Variants in PRIM2 observed in about 807,000 individuals in gnomAD.
PRIM2 encodes DNA primase large subunit.
Under a neutral mutation model 67.3 loss-of-function variants are expected in PRIM2, and 39 were observed. The observed-to-expected ratio is 0.58, with a 90% CI of 0.45 to 0.76. The LOEUF is 0.76. Among genes scored for constraint, PRIM2 ranks in the 30% least tolerant of loss-of-function variants. The probability of loss-of-function intolerance (pLI) is 0.00; values close to 1 mark genes in which losing one functional copy is unlikely to be tolerated. For missense variants in PRIM2, 398 were observed against 598.7 expected, an observed-to-expected ratio of 0.66 and a Z score of 3.50; for synonymous variants, 143 against 198.7, an observed-to-expected ratio of 0.72 and a Z score of 2.36.
At chr6:57,533,116 C>T (rs1774927521) in intron 9 of PRIM2, among the ~76,000 whole-genome samples, 1 of 151,902 alleles carries the variant, frequency 6.6e-6, no homozygotes, top group Non-Finnish European at 1.5e-5. Flanking sequence ...TACTAGAGGT[C>T]AGGACTTGAT....
chr6:57,324,599 G>A (rs1767781882), intron 4 of PRIM2, among the ~76,000 whole-genome samples: 1 of 152,112 alleles, frequency 6.6e-6, no homozygotes, highest in African/African-American at 2.4e-5. Context: ...CAAAAAAATG[G>A]TAATATTTAT....
chr6:57,274,696 G>T, the PRIM2 span, among the ~76,000 whole-genome samples: 1 of 152,248 alleles, frequency 6.6e-6, no homozygotes, highest in Admixed American at 6.5e-5. Context: ...AGTTGGAAAT[G>T]CAGAAATCAC....
chr6:57,536,134 AAGAATGAAGAGAAACT>A (rs1275057319), intron 9 of PRIM2, among the ~76,000 whole-genome samples: 2 of 152,214 alleles, frequency 1.3e-5, no homozygotes, highest in African/African-American at 2.4e-5. Flanking sequence ...GTTACTGTAA[AAGAATGAAGAGAAACT>A]AGATGGTCAC....
intron 5 of PRIM2, among the ~76,000 whole-genome samples, chr6:57,337,087 C>T (rs1010810899): frequency 6.6e-6 from 1 of 152,084 alleles, no homozygotes; most frequent in Non-Finnish European, 1.5e-5. Flanking sequence ...AGACTTTAAA[C>T]CAACAAAGAT....
At position 57,490,663 on chromosome 6, in the gene PRIM2, G is replaced by A. The variant is rs1773867808; in HGVS notation, c.694-16724G>A. The stretch of plus-strand genomic sequence containing the variant: ...TGACAAATATAGGACCTGAAGTAAA[G>A]AGCTTAATCAGATAAATAGGATGGA... On this transcript the variant is annotated intron_variant, in intron 7 of 13. Transcript: ENST00000615550. 2.6e-5 allele frequency among the ~76,000 whole-genome samples: 4 copies of A among 152,316 alleles called. No individual in the cohort carries two copies. The South Asian group carries it at 8.3e-4, about 32-fold the overall frequency.
intron 10 of PRIM2, among the ~76,000 whole-genome samples, chr6:57,585,492 A>G (rs1327725504): frequency 2.6e-5 from 4 of 152,216 alleles, no homozygotes; most frequent in African/African-American, 7.2e-5. Flanking sequence ...ATGAAAAATT[A>G]CGGAGATGAA....
At chr6:57,513,389 T>G in intron 8 of PRIM2, among the ~76,000 whole-genome samples, 1 of 147,744 alleles carries the variant, frequency 6.8e-6, no homozygotes, top group Non-Finnish European at 1.5e-5. Context: ...TTTTTATTTA[T>G]TATCTCACTT....
the PRIM2 span, among the ~76,000 whole-genome samples, chr6:57,272,380 A>T: frequency 6.6e-6 from 1 of 152,150 alleles, no homozygotes; most frequent in Admixed American, 6.5e-5. Flanking sequence ...CCATTATGTA[A>T]TGGCCTTCTT....
chr6:57,446,418 C>CTTTTTTTTTTTTTTTTTTTTTTTT lies in PRIM2; in HGVS notation c.694-60954_694-60953insTTTTTTTTTTTTTTTTTTTTTTTT, dbSNP rs397958660. Among the ~76,000 whole-genome samples the CTTTTTTTTTTTTTTTTTTTTTTTT allele has an allele frequency of 1.3e-3, 107 of 83,800 alleles. 22 individuals are homozygous for CTTTTTTTTTTTTTTTTTTTTTTTT. The highest frequency in any genetic ancestry group is 6.4e-3 in the East Asian group (19 of 2,956). The allele number at this position is 83,800 out of a possible 152,430, so 55.0% of individuals were successfully genotyped here. Reference sequence around the variant, plus strand: ...GGCATAGGCCTGGCACACGCCACTTCTTTTTTTTTTTTTTTGAGACAGTCT... The same window carrying CTTTTTTTTTTTTTTTTTTTTTTTT: ...GGCATAGGCCTGGCACACGCCACTTCTTTTTTTTTTTTTTTTTTTTTTTTTTTTTTTTTTTTTTTGAGACAGTCT... On this transcript the variant is annotated intron_variant, in intron 7 of 13. Transcript: ENST00000615550.
chr6:57,344,861 A>C (rs1768617641), intron 5 of PRIM2, among the ~76,000 whole-genome samples: 1 of 152,136 alleles, frequency 6.6e-6, no homozygotes, highest in Non-Finnish European at 1.5e-5. Flanking sequence ...GCTCATGATA[A>C]TATGGTTTAA....
chr6:57,583,110 C>G (rs1388523604), intron 10 of PRIM2, among the ~76,000 whole-genome samples: 1 of 150,912 alleles, frequency 6.6e-6, no homozygotes, highest in Non-Finnish European at 1.5e-5. Flanking sequence ...CTACAAAGGA[C>G]ATGAACTCAT....
At chr6:57,234,343 A>G in the PRIM2 span, among the ~76,000 whole-genome samples, 4 of 152,234 alleles carry the variant, frequency 2.6e-5, no homozygotes, top group African/African-American at 9.6e-5. Flanking sequence ...AATTTTCAAT[A>G]CTAGCTCATT....
chr6:57,244,174 A>C, the PRIM2 span, among the ~76,000 whole-genome samples: 1 of 152,204 alleles, frequency 6.6e-6, no homozygotes, highest in South Asian at 2.1e-4. Flanking sequence ...TTGACCGATC[A>C]GAACTTAGCT....
In PRIM2 at chr6:57,432,411, G is replaced by A. The variant is rs1771868555; in HGVS notation, c.693+50243G>A. On this transcript the variant is annotated intron_variant, in intron 7 of 13. Transcript: ENST00000615550. ...GAGAAATCTGGGAGGCAGGAGTTCA[G>A]TTCTACTTGTTCTGTGACGGGCACT... Among the ~76,000 whole-genome samples the A allele has an allele frequency of 2.0e-5, 3 of 152,146 alleles. No individual in the cohort carries two copies. The South Asian group carries it at 6.2e-4, about 31-fold the overall frequency.
chr6:57,238,945 C>G, the PRIM2 span, among the ~76,000 whole-genome samples: 2 of 152,062 alleles, frequency 1.3e-5, no homozygotes, highest in African/African-American at 4.8e-5. Context: ...AGTCACACGT[C>G]TCTCTATATC....
At chr6:57,634,448 A>T in intron 13 of PRIM2, among the ~76,000 whole-genome samples, 1 of 152,400 alleles carries the variant, frequency 6.6e-6, no homozygotes, top group South Asian at 2.1e-4. Flanking sequence ...GTTTTATCAC[A>T]CTAGGAATCT....
intron 12 of PRIM2, among the ~76,000 whole-genome samples, chr6:57,620,767 A>G: frequency 6.6e-6 from 1 of 152,404 alleles, no homozygotes; most frequent in Non-Finnish European, 1.5e-5. Context: ...TAAATGCTCC[A>G]CTTAAAAGGT....
chr6:57,482,331 C>T (rs1200018843), intron 7 of PRIM2, among the ~76,000 whole-genome samples: 7 of 151,564 alleles, frequency 4.6e-5, no homozygotes, highest in Admixed American at 6.6e-5. Context: ...TATAGAGGGA[C>T]GATAATTTAT....
intron 10 of PRIM2, among the ~76,000 whole-genome samples, chr6:57,578,946 G>T (rs1281412635): frequency 6.6e-6 from 1 of 151,754 alleles, no homozygotes; most frequent in Non-Finnish European, 1.5e-5. Context: ...AAAGTGCTGG[G>T]ATTACAGGCG....
Sources: allele counts gnomAD v4.1 joint callset (sites outside exome capture counted in the v4.1 genomes callset), GRCh38; gene constraint gnomAD v4.1.1; transcripts MANE v1.5; gene names NCBI Gene and HGNC (gene_info 2026-07-23, HGNC 2026-07-21).